The following MBTD1 variants were observed in gnomAD, a reference collection of about 807,000 sequenced individuals.
MBTD1 encodes the protein MBT domain-containing protein 1.
MBTD1 carries 24 observed loss-of-function variants against 87.8 expected under a neutral mutation model. The ratio of observed to expected loss-of-function variants is 0.27; its 90% CI spans 0.20 to 0.38. The LOEUF (loss-of-function observed/expected upper bound fraction) is 0.38. Ranked by LOEUF, MBTD1 falls within the 10% of genes least tolerant of loss-of-function variation. The pLI, the probability that MBTD1 is intolerant of heterozygous loss-of-function variation, is 1.00. For missense variants in MBTD1, 436 were observed against 760.2 expected (o/e 0.57, Z 5.02); for synonymous variants, 237 against 248.6 (o/e 0.95, Z 0.44).
intron 6 of MBTD1, among the ~76,000 whole-genome samples, chr17:51,212,758 TTATC>T (rs1197151360): frequency 1.3e-5 from 2 of 152,224 alleles, no homozygotes; most frequent in Admixed American, 1.3e-4. Flanking sequence ...CTTAATTTAT[TTATC>T]TATTTATTTT....
chr17:51,226,030 C>T (rs1051174804), intron 2 of MBTD1, among the ~76,000 whole-genome samples: 1 of 150,428 alleles, frequency 6.6e-6, no homozygotes, highest in Non-Finnish European at 1.5e-5. Context: ...CCGCCCACCT[C>T]GGCCTCCCAA....
chr17:51,220,736 C>A (rs535624683), intron 3 of MBTD1, among the ~76,000 whole-genome samples: 1 of 152,136 alleles, frequency 6.6e-6, no homozygotes, highest in Non-Finnish European at 1.5e-5. Flanking sequence ...AGGGCAGATA[C>A]GCTGGATTCA....
chr17:51,257,445 T>G (rs1319094048), intron 2 of MBTD1, among the ~76,000 whole-genome samples: 2 of 152,238 alleles, frequency 1.3e-5, no homozygotes, highest in African/African-American at 4.8e-5. Context: ...ACTTTTAAAC[T>G]ATAGCTTATA....
intron 2 of MBTD1, among the ~76,000 whole-genome samples, chr17:51,241,592 G>A (rs1030239191): frequency 6.6e-6 from 1 of 151,596 alleles, no homozygotes; most frequent in African/African-American, 2.4e-5. Flanking sequence ...TTGAGATAGC[G>A]TCTCGCTGTT....
intron 2 of MBTD1, among the ~76,000 whole-genome samples, chr17:51,245,544 T>C (rs900207706): frequency 6.6e-6 from 1 of 152,108 alleles, no homozygotes; most frequent in Non-Finnish European, 1.5e-5. Flanking sequence ...ACTTTATTAT[T>C]ATGTATAGCA....
rs527551176 is a variant in MBTD1, at chr17:51,207,261, G to A, written c.487-256C>T. On this transcript the variant is annotated intron_variant, in intron 6 of 16. Coordinates refer to ENST00000586178, the MANE Select transcript of MBTD1 (RefSeq NM_017643.3). ...TGTCCTAATATGAGATTTAAGCAGC[G>A]ATTTTTCTATGAGTGGAATTACAAA... 7.2e-5 allele frequency among the ~76,000 whole-genome samples: 11 copies of A among 152,202 alleles called. No homozygotes were observed. The East Asian group carries it at 1.2e-3, about 16-fold the overall frequency.
At chr17:51,192,093 A>C in intron 16 of MBTD1, 110 bp downstream of exon 16, 1 of 811,036 alleles carries the variant, frequency 1.2e-6, no homozygotes, top group Admixed American at 2.4e-5. Context: ...CATAATACAT[A>C]ATGCACAATC....
upstream of MBTD1, chr17:51,260,302 A>G (rs952862174): frequency 1.9e-6 from 1 of 522,512 alleles, no homozygotes; most frequent in Non-Finnish European, 3.3e-6. Flanking sequence ...GCTCCTTTCA[A>G]TATGTTGCAG....
At chr17:51,180,725 T>A (rs891620641) in intron 16 of MBTD1, 31 bp from the exon 17 acceptor site, 39 of 1,207,180 alleles carry the variant, frequency 3.2e-5, no homozygotes, top group Admixed American at 2.4e-4. Flanking sequence ...CATATGGGCA[T>A]TAAGGCTCTC....
chr17:51,260,386 C>T, upstream of MBTD1: 1 of 612,108 alleles, frequency 1.6e-6, no homozygotes, highest in East Asian at 3.2e-5. Flanking sequence ...ATTGGCCCTC[C>T]CGGAGGAACT....
In MBTD1 at chr17:51,203,417, T is replaced by G. The variant is rs577081790; in HGVS notation, c.740-189A>C. 5.9e-5 allele frequency among the ~76,000 whole-genome samples: 9 copies of G among 152,000 alleles called. No homozygotes were observed. In the South Asian group the frequency reaches 1.9e-3, roughly 31 times the overall value. ...TTAACACCAAAAAAACTATTTTAAT[T>G]TCTTTCTTTTTTTTTGAGATGGAGT... On this transcript the variant is annotated intron_variant, in intron 8 of 16. Transcript: ENST00000586178.
intron 2 of MBTD1, among the ~76,000 whole-genome samples, chr17:51,246,786 T>C (rs750188945): frequency 4.6e-5 from 7 of 151,842 alleles, no homozygotes; most frequent in Non-Finnish European, 8.8e-5. Context: ...CAGGCACGTA[T>C]CACCACACCC....
Position 51,217,346 on chromosome 17 carries a change from G to C in MBTD1, c.474C>G (p.Thr158=), listed in dbSNP as rs563444316. Residue 158 remains threonine (T), a synonymous_variant, in exon 6 of 17, where the codon ACC becomes ACG. Coordinates refer to ENST00000586178, the MANE Select transcript of MBTD1 (RefSeq NM_017643.3). ...NSNSFIAAPV[T]CFKHAPMGTC... ...ATTCTGTACTTACATGTTTAAAACA[G>C]GTAACCGGAGCTGCTATAAAGCTAT... 1.1e-5 allele frequency: 17 copies of C among 1,530,344 alleles called. No homozygotes were observed. The South Asian group carries it at 1.9e-4, about 17-fold the overall frequency. 94.8% of individuals were successfully genotyped at this position (1,530,344 alleles called of 1,614,324 possible). A position where few individuals can be genotyped will look rare whatever the true frequency, so the allele number is the denominator to read the frequency against.
rs1343580322 is a variant in MBTD1, at chr17:51,259,872, G to A, written c.-150C>T. 2.4e-6 allele frequency: 3 copies of A among 1,232,004 alleles called. No individual in the cohort carries two copies. Among genetic ancestry groups the A allele is most frequent in the East Asian group, 3.2e-5 (1 of 31,642 alleles). The allele number at this position is 1,232,004 out of a possible 1,614,324, so 76.3% of individuals were successfully genotyped here. ...GTTTTCCATCAGGGCCTCATGGGTA[G>A]GGGTTGTCCGTGCTCCCCGAGCCCG... On this transcript the variant is annotated 5_prime_UTR_variant, in exon 1 of 17. Transcript: ENST00000586178.
intron 16 of MBTD1, 108 bp downstream of exon 16, chr17:51,192,095 T>C (rs892272555): frequency 8.5e-6 from 7 of 826,150 alleles, no homozygotes; most frequent in Non-Finnish European, 1.4e-5. Flanking sequence ...TAATACATAA[T>C]GCACAATCAT....
intron 2 of MBTD1, among the ~76,000 whole-genome samples, chr17:51,242,294 AGGGTTTTTTT>A (rs1383814438): frequency 6.6e-6 from 1 of 152,156 alleles, no homozygotes; most frequent in Non-Finnish European, 1.5e-5. Context: ...CCATCCCCAC[AGGGTTTTTTT>A]CTCACTTTCC....
intron 2 of MBTD1, chr17:51,249,859 T>G (rs2144179437): frequency 6.6e-6 from 1 of 152,312 alleles, no homozygotes; most frequent in South Asian, 2.1e-4. Context: ...GACTCCCTCA[T>G]ATTACTTCAA....
At chr17:51,182,667 C>G (rs2050369699) in intron 16 of MBTD1, among the ~76,000 whole-genome samples, 1 of 152,156 alleles carries the variant, frequency 6.6e-6, no homozygotes, top group African/African-American at 2.4e-5. Flanking sequence ...TAACCACCAG[C>G]CCCTGCAGGC....
At position 51,180,565 on chromosome 17, in the gene MBTD1, T is replaced by C; in HGVS notation, c.*11A>G. The C allele has an allele frequency of 6.8e-7, 1 of 1,476,438 alleles. No individual in the cohort carries two copies. The highest frequency in any genetic ancestry group is 9.3e-7 in the Non-Finnish European group (1 of 1,080,222). 91.5% of individuals were successfully genotyped at this position (1,476,438 alleles called of 1,614,324 possible). A position where few individuals can be genotyped will look rare whatever the true frequency, so the allele number is the denominator to read the frequency against. ...AATCCTTCCCCACCCGCCCTCAGTT[T>C]CTAAGCCACCTCATGGCTCTTGTTT... On this transcript the variant is annotated 3_prime_UTR_variant, in exon 17 of 17. Transcript: ENST00000586178.
Sources: allele counts gnomAD v4.1 joint callset (sites outside exome capture counted in the v4.1 genomes callset), GRCh38; gene constraint gnomAD v4.1.1; transcripts MANE v1.5; gene names NCBI Gene and HGNC (gene_info 2026-07-23, HGNC 2026-07-21).